The following PCDHA1 variants were observed in gnomAD, a reference collection of about 807,000 sequenced individuals.
PCDHA1 encodes protocadherin alpha 1, also known as protocadherin alpha-1.
A neutral mutation model predicts 61.3 loss-of-function variants in PCDHA1; 42 were observed. The ratio of observed to expected loss-of-function variants is 0.69; its 90% CI spans 0.54 to 0.89. PCDHA1 has a LOEUF of 0.89. PCDHA1 is among the 40% of genes least tolerant of loss of function. PCDHA1 has a pLI of 0.00. For synonymous variants in PCDHA1, 610 were observed against 553.8 expected (o/e 1.10, Z -1.43); for missense variants, 1,256 against 1,235.3 (o/e 1.02, Z -0.25).
chr5:140,907,525 G>A (rs1016477325), intron 1 of PCDHA1, among the ~76,000 whole-genome samples: 3 of 152,196 alleles, frequency 2.0e-5, no homozygotes, highest in African/African-American at 4.8e-5. Flanking sequence ...AGGACAAATC[G>A]CTGCCCTTTC....
chr5:140,822,125 A>T, intron 1 of PCDHA1: 1 of 1,614,236 alleles, frequency 6.2e-7, no homozygotes, highest in Non-Finnish European at 8.5e-7. Flanking sequence ...CAGGTTTTCC[A>T]TGTGGAGGTG....
chr5:140,852,081 T>C (rs2042233455), intron 1 of PCDHA1: 1 of 899,702 alleles, frequency 1.1e-6, no homozygotes, highest in Non-Finnish European at 1.4e-6. Context: ...AGCTATTTTA[T>C]TTAATATTGT....
intron 1 of PCDHA1, chr5:140,822,267 T>G (rs1554128545): frequency 1.9e-6 from 3 of 1,614,132 alleles, no homozygotes; most frequent in African/African-American, 1.3e-5. Flanking sequence ...TTGGAGCAAA[T>G]GCACAATTGA....
rs2150316102 is a variant in PCDHA1 at position 140,841,467 on chromosome 5, C to T, written c.2394+52783C>T. On this transcript the variant is annotated intron_variant, in intron 1 of 3. Coordinates refer to ENST00000504120, the MANE Select transcript of PCDHA1 (RefSeq NM_018900.4). Reference sequence around the variant, plus strand: ...CACGGCACCTTCGTGGGCCGGATCGCGCAGGACCTGGGGCTGGAGCTGGCG... The same window carrying T: ...CACGGCACCTTCGTGGGCCGGATCGTGCAGGACCTGGGGCTGGAGCTGGCG... The T allele has an allele frequency of 2.4e-5, 39 of 1,612,946 alleles. 1 individual carries two copies. In the South Asian group the frequency reaches 4.0e-4, roughly 16 times the overall value.
At chr5:140,969,279 A>G (rs782221973) in intron 1 of PCDHA1, 3 of 1,614,244 alleles carry the variant, frequency 1.9e-6, no homozygotes, top group East Asian at 2.2e-5. Flanking sequence ...CAAAGTGGTC[A>G]GAATGCTGGG....
chr5:140,827,789 G>A (rs1378424997), intron 1 of PCDHA1, among the ~76,000 whole-genome samples: 1 of 152,206 alleles, frequency 6.6e-6, no homozygotes, highest in African/African-American at 2.4e-5. Flanking sequence ...AACACTGACC[G>A]TGCAAATTAC....
At chr5:140,832,937 G>C (rs1470692327) in intron 1 of PCDHA1, among the ~76,000 whole-genome samples, 3 of 152,104 alleles carry the variant, frequency 2.0e-5, no homozygotes, top group Admixed American at 1.3e-4. Flanking sequence ...TGAGAAGAGA[G>C]TAACTTAAGT....
intron 1 of PCDHA1, among the ~76,000 whole-genome samples, chr5:140,960,355 A>G (rs1489344440): frequency 6.6e-6 from 1 of 152,222 alleles, no homozygotes; most frequent in Admixed American, 6.5e-5. Flanking sequence ...ATGTACTGAA[A>G]TAATATGCCA....
chr5:140,803,387 C>A (rs1763187369), intron 1 of PCDHA1: 4 of 1,614,200 alleles, frequency 2.5e-6, no homozygotes, highest in Non-Finnish European at 3.4e-6. Context: ...CAACCGAAGG[C>A]GACTGTGGGC....
rs374029572 is a variant in PCDHA1, at chr5:140,799,146, A to T, written c.2394+10462A>T. On this transcript the variant is annotated intron_variant, in intron 1 of 3. Coordinates refer to ENST00000504120, the MANE Select transcript of PCDHA1 (RefSeq NM_018900.4). Reference sequence around the variant, plus strand: ...ATTTTTTCTTGGTTGTCTAAGTGACATCTAGGTGGTAGTAGAAATTATTCA... The same window carrying T: ...ATTTTTTCTTGGTTGTCTAAGTGACTTCTAGGTGGTAGTAGAAATTATTCA... Among the ~76,000 whole-genome samples, 142 of 152,232 alleles carry T rather than the reference A, an allele frequency of 9.3e-4. 1 individual carries two copies. Among genetic ancestry groups the T allele is most frequent in the African/African-American group, 3.3e-3 (137 of 41,570 alleles).
intron 1 of PCDHA1, chr5:140,865,401 G>A (rs1011488006): frequency 6.6e-6 from 1 of 152,158 alleles, no homozygotes; most frequent in Non-Finnish European, 1.5e-5. Flanking sequence ...TATAAATGCT[G>A]AAAAGGAATT....
At position 141,010,025 on chromosome 5, in the gene PCDHA1, A is replaced by T; in HGVS notation, c.*88A>T. On this transcript the variant is annotated 3_prime_UTR_variant, in exon 4 of 4. Coordinates refer to ENST00000504120, the MANE Select transcript of PCDHA1 (RefSeq NM_018900.4). ...TAGCAATTCCCTGCTCCTTTTTCCT[A>T]TCTACATGAGCCCTCTTAGAGACCT... The T allele has an allele frequency of 6.4e-7, 1 of 1,573,940 alleles. No homozygotes were observed. The highest frequency in any genetic ancestry group is 1.2e-5 in the South Asian group (1 of 82,592).
intron 1 of PCDHA1, chr5:140,868,074 T>C (rs1554161742): frequency 6.6e-6 from 1 of 152,138 alleles, no homozygotes; most frequent in Non-Finnish European, 1.5e-5. Context: ...AGGGTGATTT[T>C]ATTTATTTTA....
chr5:140,847,902 T>G (rs753467196), intron 1 of PCDHA1: 1 of 149,888 alleles, frequency 6.7e-6, no homozygotes, highest in South Asian at 2.1e-4. Context: ...ATCAGTAGAT[T>G]TCTGGGCTCC....
At chr5:140,807,045 T>A in intron 1 of PCDHA1, 1 of 1,012,628 alleles carries the variant, frequency 9.9e-7, no homozygotes. Context: ...GGAAAATTCC[T>A]TCTATTCTTA....
chr5:140,951,493 A>C (rs1554219918), intron 1 of PCDHA1, among the ~76,000 whole-genome samples: 1 of 152,022 alleles, frequency 6.6e-6, no homozygotes, highest in Non-Finnish European at 1.5e-5. Context: ...TCATGGTGGA[A>C]GGCAAAAGGA....
At position 140,807,168 on chromosome 5, in the gene PCDHA1, C is replaced by T. The variant is rs1236129889; in HGVS notation, c.2394+18484C>T. The T allele has an allele frequency of 1.4e-5, 22 of 1,606,354 alleles. 1 individual carries two copies. Among genetic ancestry groups the T allele is most frequent in the Non-Finnish European group, 1.9e-5 (22 of 1,176,138 alleles). ...TTTGAGAAACGATATTTAATCAGAA[C>T]AAAATACTGTGCACTAAAGATGGAG... On this transcript the variant is annotated intron_variant, in intron 1 of 3. Transcript: ENST00000504120.
chr5:140,894,484 T>C (rs2064498102), intron 1 of PCDHA1, among the ~76,000 whole-genome samples: 1 of 152,002 alleles, frequency 6.6e-6, no homozygotes, highest in Admixed American at 6.5e-5. Flanking sequence ...TTTCATCTTA[T>C]AGTTTTCTTT....
intron 1 of PCDHA1, chr5:140,862,930 C>T (rs1581662470): frequency 1.8e-6 from 1 of 542,144 alleles, no homozygotes; most frequent in East Asian, 4.9e-5. Flanking sequence ...GGGCTGGCGG[C>T]GCTGTGAGTG....
Sources: gnomAD v4.1 joint callset for allele counts (sites outside exome capture counted in the v4.1 genomes callset) on GRCh38, gnomAD v4.1.1 for gene constraint, MANE v1.5 for transcripts, NCBI Gene and HGNC (gene_info 2026-07-23, HGNC 2026-07-21) for gene names.